Variants in RERE observed in about 807,000 individuals in gnomAD.
RERE encodes arginine-glutamic acid dipeptide repeats protein.
In RERE, 40 loss-of-function variants were observed where a neutral mutation model predicts 146.1. That is an observed-to-expected ratio of 0.27 (90% CI 0.21 to 0.36). RERE has a LOEUF of 0.36. Among genes scored for constraint, RERE ranks in the 10% least tolerant of loss-of-function variants. The pLI, the probability that RERE is intolerant of heterozygous loss-of-function variation, is 1.00. For synonymous variants in RERE, 1,003 were observed against 866.0 expected (o/e 1.16, Z -2.78); for missense variants, 1,933 against 2,138.7 (o/e 0.90, Z 1.90).
intron 6 of RERE, among the ~76,000 whole-genome samples, chr1:8,551,715 T>C (rs1186290637): frequency 6.6e-6 from 1 of 152,212 alleles, no homozygotes; most frequent in South Asian, 2.1e-4. Flanking sequence ...CCATACTGGA[T>C]GTGGAACCAG....
At chr1:8,567,621 A>C in intron 4 of RERE, among the ~76,000 whole-genome samples, 1 of 152,264 alleles carries the variant, frequency 6.6e-6, no homozygotes, top group East Asian at 1.9e-4. Flanking sequence ...ATGCTAGCTA[A>C]GGAGTCAAAA....
chr1:8,557,049 A>C (rs542187970), intron 5 of RERE, among the ~76,000 whole-genome samples: 25 of 151,866 alleles, frequency 1.6e-4, no homozygotes, highest in Middle Eastern at 3.4e-3. Flanking sequence ...AAAAAAAAAA[A>C]CAGAAAGATA....
intron 12 of RERE, among the ~76,000 whole-genome samples, chr1:8,416,447 G>A (rs528791578): frequency 2.0e-5 from 3 of 152,028 alleles, no homozygotes; most frequent in South Asian, 2.1e-4. Context: ...TTAGCCAGGC[G>A]TGGTGGCGGG....
In RERE at chr1:8,364,063, C is replaced by A; in HGVS notation, c.1733G>T (p.Arg578Leu). ...GKHSMRTRRS[R>L]GSMSTLRSGR... The stretch of plus-strand genomic sequence containing the variant: ...TGGCCCCAGGGGACTCACCGAGCCC[C>A]GACTCCGCCGTGTCCTCATGCTATG... The change falls in exon 15 of 23, where the codon CGG becomes CTG. Residue 578 changes from arginine to leucine, a missense_variant. By Grantham distance (102) the Arg-to-Leu change is moderately radical. This residue lies in a region of RERE where 1,255 missense variants were observed against 1,153.8 expected (regional missense o/e 1.09). Coordinates refer to ENST00000400908, the MANE Select transcript of RERE (RefSeq NM_001042681.2). This position sits in a 1 kb window ranked among gnomAD's most constrained non-coding sequence, Gnocchi z 5.1. The A allele has an allele frequency of 6.2e-7, 1 of 1,614,068 alleles. No individual in the cohort carries two copies. The highest frequency in any genetic ancestry group is 2.2e-5 in the East Asian group (1 of 44,868).
chr1:8,501,565 G>A (rs1453492887), intron 8 of RERE, among the ~76,000 whole-genome samples: 4 of 128,040 alleles, frequency 3.1e-5, no homozygotes, highest in Non-Finnish European at 6.8e-5. Flanking sequence ...CGCCCCTACC[G>A]GGAAGTGAGG....
chr1:8,695,135 G>A (rs761111739), intron 1 of RERE, among the ~76,000 whole-genome samples: 8 of 152,098 alleles, frequency 5.3e-5, no homozygotes, highest in Non-Finnish European at 1.0e-4. Flanking sequence ...ACAGCCATCT[G>A]ATCTTTGACA....
In RERE at chr1:8,360,309, G is replaced by A; in HGVS notation, c.3198C>T (p.Ala1066=). The A allele has an allele frequency of 3.2e-6, 5 of 1,541,456 alleles. No individual in the cohort carries two copies. Among genetic ancestry groups the A allele is most frequent in the Non-Finnish European group, 3.5e-6 (4 of 1,142,696 alleles). The change falls in exon 18 of 23, where the codon GCC becomes GCT. Residue 1066 remains alanine (A), a synonymous_variant. Coordinates refer to ENST00000400908, the MANE Select transcript of RERE (RefSeq NM_001042681.2). ...CCGCCGCACCAGAGCAGGGTGGCTG[G>A]GCCGAGGTGCCAGGTCCCGCCGGTG... ...STPPAGPGTS[A]QPPCSGAAAS... is the part of the protein sequence containing the mutation.
intron 6 of RERE, among the ~76,000 whole-genome samples, chr1:8,550,465 A>G (rs1645920017): frequency 6.6e-6 from 1 of 152,238 alleles, no homozygotes; most frequent in African/African-American, 2.4e-5. Context: ...TTAAACTGCA[A>G]AACTAAGAGC....
intron 15 of RERE, 196 bp downstream of exon 15, chr1:8,363,860 T>C (rs1557589667): frequency 3.3e-6 from 2 of 605,330 alleles, no homozygotes; most frequent in South Asian, 2.0e-5. Flanking sequence ...GATGCCACCC[T>C]GGGGCCCCTC....
At chr1:8,778,436 T>C (rs1000605523) in intron 1 of RERE, among the ~76,000 whole-genome samples, 1 of 152,226 alleles carries the variant, frequency 6.6e-6, no homozygotes, top group Non-Finnish European at 1.5e-5. Context: ...TAATTTGTGA[T>C]AGCACTTGTA....
chr1:8,524,128 T>C (rs1004912595), intron 7 of RERE, among the ~76,000 whole-genome samples: 3 of 152,058 alleles, frequency 2.0e-5, no homozygotes, highest in East Asian at 1.9e-4. Flanking sequence ...CAGAGTAAAA[T>C]AAGGCGAGTT....
At chr1:8,602,897 TA>T (rs753050983) in intron 4 of RERE, among the ~76,000 whole-genome samples, 4 of 152,298 alleles carry the variant, frequency 2.6e-5, no homozygotes, top group African/African-American at 7.2e-5. Context: ...ATACAATGGA[TA>T]GGGGGCAATT....
chr1:8,430,543 T>C (rs301800), intron 11 of RERE, among the ~76,000 whole-genome samples: 129,173 of 152,222 alleles, frequency 0.85, 55,165 homozygotes, highest in East Asian at 0.95. Context: ...CTCAGACTTG[T>C]ACCTACACTT....
At chr1:8,374,986 C>G (rs11121175) in intron 12 of RERE, among the ~76,000 whole-genome samples, 3 of 151,938 alleles carry the variant, frequency 2.0e-5, no homozygotes, top group African/African-American at 4.8e-5. Context: ...TTCACTCCCC[C>G]ACCACTGGAT....
intron 1 of RERE, among the ~76,000 whole-genome samples, chr1:8,757,931 T>TACACACACAC (rs1640676855): frequency 3.5e-5 from 1 of 28,312 alleles, no homozygotes; most frequent in African/African-American, 7.9e-5. Context: ...CACACACACA[T>TACACACACAC]ATATATGCAA....
intron 2 of RERE, among the ~76,000 whole-genome samples, chr1:8,634,571 T>G (rs1647073255): frequency 6.6e-6 from 1 of 152,202 alleles, no homozygotes; most frequent in Non-Finnish European, 1.5e-5. Flanking sequence ...TGCTTTAGTT[T>G]ATATAAACTT....
At position 8,364,136 on chromosome 1, in the gene RERE, A is replaced by ACGGTGG; in HGVS notation, c.1654_1659dup (p.Pro552_Pro553dup). 2 of 1,614,106 alleles carry ACGGTGG rather than the reference A, an allele frequency of 1.2e-6. No homozygotes were observed. Among genetic ancestry groups the ACGGTGG allele is most frequent in the Non-Finnish European group, 1.7e-6 (2 of 1,180,012 alleles). On this transcript the variant is annotated inframe_insertion, in exon 15 of 23. Coordinates refer to ENST00000400908, the MANE Select transcript of RERE (RefSeq NM_001042681.2). The surrounding 1 kb of genome is among the most constrained non-coding windows in gnomAD (Gnocchi z 5.1). ...TCTTCCTTGACGGGTTTGAACATAAACGGTGGCGGGTCCACGGGCTTCTCA... is the reference window on the plus strand; with the variant it reads ...TCTTCCTTGACGGGTTTGAACATAAACGGTGGCGGTGGCGGGTCCACGGGCTTCTCA...
intron 10 of RERE, among the ~76,000 whole-genome samples, chr1:8,469,657 C>A (rs1207671348): frequency 6.6e-6 from 1 of 151,986 alleles, no homozygotes; most frequent in East Asian, 1.9e-4. Context: ...AAAATAAAAT[C>A]TTATGTGCCT....
chr1:8,794,997 G>T (rs1229737301), intron 1 of RERE, among the ~76,000 whole-genome samples: 1 of 152,026 alleles, frequency 6.6e-6, no homozygotes, highest in East Asian at 1.9e-4. Context: ...TATTATTTTT[G>T]TAAAGACAGG....
Sources: gnomAD v4.1 joint callset for allele counts (sites outside exome capture counted in the v4.1 genomes callset) on GRCh38, gnomAD v4.1.1 for gene constraint, gnomAD v4.1.1 regional missense constraint, Gnocchi (gnomAD v3.1) non-coding constraint, MANE v1.5 for transcripts, NCBI Gene and HGNC (gene_info 2026-07-23, HGNC 2026-07-21) for gene names.